The following PAPSS1 variants were observed in gnomAD, a reference collection of about 807,000 sequenced individuals.
The protein encoded by PAPSS1 is 3'-phosphoadenosine 5'-phosphosulfate synthase 1.
Under a neutral mutation model 72.0 loss-of-function variants are expected in PAPSS1, and 50 were observed. That is an observed-to-expected ratio of 0.69 (90% CI 0.55 to 0.88). The LOEUF (loss-of-function observed/expected upper bound fraction) is 0.88. Ranked by LOEUF, PAPSS1 falls within the 40% of genes least tolerant of loss-of-function variation. The pLI is 0.00. For missense variants in PAPSS1, 657 were observed against 782.2 expected (o/e 0.84, Z 1.91); for synonymous variants, 261 against 263.6 (o/e 0.99, Z 0.09).
In PAPSS1 at chr4:107,693,903, T is replaced by C; in HGVS notation, c.279A>G (p.Gln93=). ...CYTLDGDNIR[Q]GLNKNLGFSP... ...TAAAGCCAAGATTTTTATTGAGACC[T>C]TGACGAATATTGTCACCATCCAGAG... The change falls in exon 3 of 12, where the codon CAA becomes CAG. Residue 93 remains glutamine, a synonymous_variant. Coordinates refer to ENST00000265174, the MANE Select transcript of PAPSS1 (RefSeq NM_005443.5). 6.2e-7 allele frequency: 1 copy of C among 1,613,820 alleles called. No individual in the cohort carries two copies. Among genetic ancestry groups the C allele is most frequent in the Non-Finnish European group, 8.5e-7 (1 of 1,179,782 alleles).
At chr4:107,707,890 A>C (rs879461028) in intron 1 of PAPSS1, among the ~76,000 whole-genome samples, 1 of 152,162 alleles carries the variant, frequency 6.6e-6, no homozygotes, top group Admixed American at 6.5e-5. Context: ...TTTCTATACA[A>C]ATCTTCAACT....
chr4:107,708,545 T>C (rs1723399808), intron 1 of PAPSS1, among the ~76,000 whole-genome samples: 1 of 152,228 alleles, frequency 6.6e-6, no homozygotes, highest in Admixed American at 6.5e-5. Context: ...CTCTGTAAAA[T>C]ATCTTCTGCT....
chr4:107,715,451 T>C (rs919093193), intron 1 of PAPSS1, among the ~76,000 whole-genome samples: 16 of 152,214 alleles, frequency 1.1e-4, no homozygotes, highest in African/African-American at 3.9e-4. Flanking sequence ...GAAGGACAAG[T>C]ACATTGGCCT....
chr4:107,705,358 TAGTG>T (rs1390024109), intron 1 of PAPSS1, among the ~76,000 whole-genome samples: 1 of 152,246 alleles, frequency 6.6e-6, no homozygotes, highest in Non-Finnish European at 1.5e-5. Context: ...GCTCTCGTGA[TAGTG>T]AGTTCTCACA....
intron 11 of PAPSS1, among the ~76,000 whole-genome samples, chr4:107,627,924 C>T (rs78875153): frequency 0.05 from 7,628 of 152,154 alleles, 252 homozygotes; most frequent in Non-Finnish European, 0.078. Context: ...CAAAATCCCA[C>T]ATGATTTAGA....
intron 10 of PAPSS1, among the ~76,000 whole-genome samples, chr4:107,635,799 A>G (rs1046815091): frequency 1.3e-5 from 2 of 152,254 alleles, no homozygotes; most frequent in African/African-American, 4.8e-5. Flanking sequence ...AAATTATGTA[A>G]TAAACATTAC....
At chr4:107,703,199 T>A (rs1723248876) in intron 1 of PAPSS1, among the ~76,000 whole-genome samples, 3 of 152,216 alleles carry the variant, frequency 2.0e-5, no homozygotes. Context: ...TTGCCTATTT[T>A]TTAATTGCAC....
chr4:107,704,277 C>T (rs993946920), intron 1 of PAPSS1, among the ~76,000 whole-genome samples: 1 of 152,136 alleles, frequency 6.6e-6, no homozygotes, highest in Non-Finnish European at 1.5e-5. Context: ...TTTAAAACCA[C>T]GTCATCTGCA....
chr4:107,652,712 A>G (rs1009137296), intron 9 of PAPSS1, among the ~76,000 whole-genome samples: 2 of 152,190 alleles, frequency 1.3e-5, no homozygotes, highest in Non-Finnish European at 2.9e-5. Context: ...ACATTGATAT[A>G]TTGGAAGTAC....
At chr4:107,713,258 T>C (rs1040619754) in intron 1 of PAPSS1, among the ~76,000 whole-genome samples, 2 of 152,154 alleles carry the variant, frequency 1.3e-5, no homozygotes, top group African/African-American at 4.8e-5. Context: ...TAATTTCATT[T>C]CTAGGAAAGC....
intron 5 of PAPSS1, among the ~76,000 whole-genome samples, chr4:107,666,230 T>C: frequency 6.6e-6 from 1 of 152,130 alleles, no homozygotes; most frequent in Middle Eastern, 3.2e-3. Context: ...AAATCTAGAG[T>C]TCCTGGTAGA....
intron 10 of PAPSS1, among the ~76,000 whole-genome samples, chr4:107,641,179 GT>G (rs763281416): frequency 1.3e-5 from 2 of 152,204 alleles, no homozygotes; most frequent in Non-Finnish European, 2.9e-5. Flanking sequence ...TGCTAAGTTT[GT>G]TTATTGAGAA....
chr4:107,669,368 C>A (rs9307312), intron 5 of PAPSS1, among the ~76,000 whole-genome samples: 141,504 of 152,310 alleles, frequency 0.93, 65,777 homozygotes, highest in South Asian at 0.97. Flanking sequence ...AGTTGTGTGT[C>A]TATGTGTATT....
intron 11 of PAPSS1, among the ~76,000 whole-genome samples, chr4:107,619,633 G>C (rs1725906075): frequency 6.6e-6 from 1 of 152,198 alleles, no homozygotes; most frequent in Non-Finnish European, 1.5e-5. Context: ...TCACCTGTGA[G>C]TAATCAGGAA....
At chr4:107,693,031 A>G (rs950642430) in intron 3 of PAPSS1, among the ~76,000 whole-genome samples, 1 of 152,140 alleles carries the variant, frequency 6.6e-6, no homozygotes, top group Non-Finnish European at 1.5e-5. Context: ...AGAATAGCTA[A>G]TGGATGCTGG....
intron 10 of PAPSS1, among the ~76,000 whole-genome samples, chr4:107,643,088 A>G (rs1442250942): frequency 6.6e-6 from 1 of 152,242 alleles, no homozygotes; most frequent in Non-Finnish European, 1.5e-5. Flanking sequence ...ACCAAGAATG[A>G]ACAATCTGCC....
chr4:107,617,948 G>GA (rs2110294312), intron 11 of PAPSS1, among the ~76,000 whole-genome samples: 1 of 152,060 alleles, frequency 6.6e-6, no homozygotes, highest in East Asian at 1.9e-4. Context: ...GACTTAAGGG[G>GA]AAAAAAACAA....
At chr4:107,708,182 A>C (rs1314649798) in intron 1 of PAPSS1, among the ~76,000 whole-genome samples, 6 of 152,254 alleles carry the variant, frequency 3.9e-5, no homozygotes, top group Admixed American at 3.3e-4. Flanking sequence ...ACTTACAAAA[A>C]ATTGTAATGA....
At chr4:107,626,850 G>T (rs560336838) in intron 11 of PAPSS1, among the ~76,000 whole-genome samples, 10 of 151,990 alleles carry the variant, frequency 6.6e-5, no homozygotes, top group African/African-American at 1.7e-4. Context: ...AATTATTTTT[G>T]AACACAAACA....
Sources: gnomAD v4.1 joint callset for allele counts (sites outside exome capture counted in the v4.1 genomes callset) on GRCh38, gnomAD v4.1.1 for gene constraint, MANE v1.5 for transcripts, NCBI Gene and HGNC (gene_info 2026-07-23, HGNC 2026-07-21) for gene names.